TMPRSS15: variants seen among roughly 807,000 people sequenced by gnomAD.
The protein encoded by TMPRSS15 is enteropeptidase.
A neutral mutation model predicts 125.3 loss-of-function variants in TMPRSS15; 128 were observed. The ratio of observed to expected loss-of-function variants is 1.02; its 90% confidence interval spans 0.89 to 1.18. The LOEUF is 1.18. Ranked by LOEUF, TMPRSS15 falls within the 50% of genes most tolerant of loss-of-function variation. TMPRSS15 has a pLI of 0.00. For missense variants in TMPRSS15, 1,283 were observed against 1,212.7 expected (o/e 1.06, Z -0.86); for synonymous variants, 446 against 423.2 (o/e 1.05, Z -0.66).
intron 1 of TMPRSS15, among the ~76,000 whole-genome samples, chr21:18,456,113 T>C (rs1978435767): frequency 6.6e-6 from 1 of 152,160 alleles, no homozygotes; most frequent in Non-Finnish European, 1.5e-5. Context: ...GAAATGAAAT[T>C]ACTGCAATTA....
chr21:18,276,763 T>C (rs933481088), intron 23 of TMPRSS15, among the ~76,000 whole-genome samples: 5 of 149,210 alleles, frequency 3.4e-5, no homozygotes, highest in East Asian at 1.9e-4. Flanking sequence ...TTCTTTTTTT[T>C]TTTTTTTTTT....
In TMPRSS15 at chr21:18,365,194, G is replaced by C. The variant is rs1230923770; in HGVS notation, c.719C>G (p.Ala240Gly). ...LLTGSSGSFQATHYPKPSETS... is the reference protein window; with the variant it reads ...LLTGSSGSFQGTHYPKPSETS... ...TTCAGAAGGTTTTGGATAATGAGTA[G>C]CCTGGAAAGACCCAGATGATCCAGT... Residue 240 changes from alanine (A) to glycine (G), a missense_variant, in exon 7 of 25, where the codon GCT becomes GGT. Coordinates refer to ENST00000284885, the MANE Select transcript of TMPRSS15 (RefSeq NM_002772.3). 1.9e-6 allele frequency: 3 copies of C among 1,614,078 alleles called. No homozygotes were observed. Among genetic ancestry groups the C allele is most frequent in the Non-Finnish European group, 2.5e-6 (3 of 1,179,998 alleles).
rs143403142 is a variant in TMPRSS15, at chr21:18,392,825, G to A, written c.344+5054C>T. Among the ~76,000 whole-genome samples, 363 of 152,272 alleles carry A rather than the reference G, an allele frequency of 2.4e-3. 2 individuals carry two copies. The highest frequency in any genetic ancestry group is 0.01 in the Middle Eastern group (3 of 294). On this transcript the variant is annotated intron_variant, in intron 3 of 24. Transcript: ENST00000284885. ...GCAGCAAGTACTTTCTTCACAAGGT[G>A]GCAGGAAAGAGAGAGAGTGGGGGAA... is the stretch of plus-strand genomic sequence containing the variant.
At chr21:18,279,541 A>G (rs1225950397) in intron 22 of TMPRSS15, among the ~76,000 whole-genome samples, 1 of 149,756 alleles carries the variant, frequency 6.7e-6, no homozygotes, top group African/African-American at 2.5e-5. Context: ...TCACTGTGTT[A>G]GCCAGGATGG....
chr21:18,353,999 C>A, intron 8 of TMPRSS15, 136 bp from the exon 9 acceptor site: 2 of 727,148 alleles, frequency 2.8e-6, no homozygotes, highest in Admixed American at 2.7e-5. Context: ...ACTTAGTTAA[C>A]TAAAAGCATT....
intron 1 of TMPRSS15, among the ~76,000 whole-genome samples, chr21:18,435,185 G>C (rs1265708102): frequency 6.6e-6 from 1 of 152,156 alleles, no homozygotes; most frequent in South Asian, 2.1e-4. Context: ...GGAGTGGTGA[G>C]AGAGGGCATC....
At chr21:18,435,807 T>G (rs1053773813) in intron 1 of TMPRSS15, among the ~76,000 whole-genome samples, 7 of 152,176 alleles carry the variant, frequency 4.6e-5, no homozygotes, top group South Asian at 2.1e-4. Flanking sequence ...CACAATTTCA[T>G]ATCCTGTTAT....
chr21:18,408,065 T>C (rs2076157069), upstream of TMPRSS15, among the ~76,000 whole-genome samples: 1 of 152,184 alleles, frequency 6.6e-6, no homozygotes, highest in African/African-American at 2.4e-5. Flanking sequence ...AGGTGGATTA[T>C]AATTATTTTT....
chr21:18,483,779 AATC>A (rs1979029165), intron 1 of TMPRSS15, among the ~76,000 whole-genome samples: 1 of 152,034 alleles, frequency 6.6e-6, no homozygotes, highest in South Asian at 2.1e-4. Flanking sequence ...AAAATGCACA[AATC>A]ATCATGCATA....
intron 23 of TMPRSS15, among the ~76,000 whole-genome samples, chr21:18,276,669 T>C (rs547846754): frequency 1.6e-4 from 24 of 152,192 alleles, no homozygotes; most frequent in African/African-American, 5.8e-4. Flanking sequence ...TAGTATCACC[T>C]CATTTCTTCC....
intron 13 of TMPRSS15, among the ~76,000 whole-genome samples, chr21:18,334,193 C>T (rs1438620293): frequency 6.6e-6 from 1 of 152,134 alleles, no homozygotes; most frequent in Non-Finnish European, 1.5e-5. Flanking sequence ...ATATGTAACA[C>T]ACTGCTTAGA....
rs188263179 is a variant in TMPRSS15, at chr21:18,380,973, A to G, written c.497-1655T>C. 3.4e-3 allele frequency among the ~76,000 whole-genome samples: 519 copies of G among 152,302 alleles called. 2 individuals are homozygous for G. The highest frequency in any genetic ancestry group is 0.017 in the Middle Eastern group (5 of 294). ...CATATGAAGGTAACAATTGCAAAAC[A>G]ATCTTTCACATAATGAATATTTCCT... On this transcript the variant is annotated intron_variant, in intron 4 of 24. Coordinates refer to ENST00000284885, the MANE Select transcript of TMPRSS15 (RefSeq NM_002772.3).
At chr21:18,367,652 G>A (rs1365963177) in intron 6 of TMPRSS15, among the ~76,000 whole-genome samples, 1 of 152,150 alleles carries the variant, frequency 6.6e-6, no homozygotes, top group African/African-American at 2.4e-5. Context: ...GAAGCAATGA[G>A]GTAGGGTGCT....
intron 1 of TMPRSS15, among the ~76,000 whole-genome samples, chr21:18,415,026 T>G (rs774966936): frequency 6.6e-6 from 1 of 151,272 alleles, no homozygotes; most frequent in Admixed American, 6.6e-5. Flanking sequence ...AGCCCTTATC[T>G]GTTTTTTTTT....
intron 1 of TMPRSS15, among the ~76,000 whole-genome samples, chr21:18,429,577 G>T (rs146658637): frequency 2.0e-5 from 3 of 152,128 alleles, no homozygotes; most frequent in Non-Finnish European, 4.4e-5. Context: ...TTTATCAGGG[G>T]TTTCCACTTT....
intron 1 of TMPRSS15, among the ~76,000 whole-genome samples, chr21:18,450,916 A>G (rs1343387098): frequency 1.3e-5 from 2 of 152,206 alleles, no homozygotes; most frequent in Non-Finnish European, 2.9e-5. Flanking sequence ...GCCTTCTAGT[A>G]TTTGGACATA....
At position 18,280,570 on chromosome 21, in the gene TMPRSS15, C is replaced by T. The variant is rs139871133; in HGVS notation, c.2668+470G>A. On this transcript the variant is annotated intron_variant, in intron 22 of 24. Transcript: ENST00000284885. The stretch of plus-strand genomic sequence containing the variant: ...CAGCCTGGGCAACAGAGCGAGACTC[C>T]GTCTCAAAAAAAAAAAAAAAAAAAA... 9.1e-3 allele frequency among the ~76,000 whole-genome samples: 900 copies of T among 99,294 alleles called. 10 individuals are homozygous for T. Among genetic ancestry groups the T allele is most frequent in the South Asian group, 0.012 (45 of 3,812 alleles). 65.1% of individuals were successfully genotyped at this position (99,294 alleles called of 152,430 possible). A position where few individuals can be genotyped will look rare whatever the true frequency, so the allele number is the denominator to read the frequency against.
chr21:18,354,559 G>A (rs1046290320), intron 8 of TMPRSS15, among the ~76,000 whole-genome samples: 2 of 151,636 alleles, frequency 1.3e-5, no homozygotes, highest in African/African-American at 2.4e-5. Flanking sequence ...TTCAAAGGGG[G>A]TGGTCTTGCC....
intron 1 of TMPRSS15, among the ~76,000 whole-genome samples, chr21:18,442,841 G>T (rs145710973): frequency 6.6e-6 from 1 of 152,140 alleles, no homozygotes; most frequent in Non-Finnish European, 1.5e-5. Flanking sequence ...TTGAAATGAA[G>T]TATATTTTAA....
Sources: gnomAD v4.1 joint callset for allele counts (sites outside exome capture counted in the v4.1 genomes callset) on GRCh38, gnomAD v4.1.1 for gene constraint, MANE v1.5 for transcripts, NCBI Gene and HGNC (gene_info 2026-07-23, HGNC 2026-07-21) for gene names.